The following HDAC7 variants were observed in gnomAD, a reference collection of about 807,000 sequenced individuals.
HDAC7 encodes histone deacetylase 7A.
A neutral mutation model predicts 115.5 loss-of-function variants in HDAC7; 26 were observed. The ratio of observed to expected loss-of-function variants is 0.23; its 90% CI spans 0.16 to 0.31. The LOEUF is 0.31. Ranked by LOEUF, HDAC7 falls within the 10% of genes least tolerant of loss-of-function variation. HDAC7 has a pLI of 1.00. For synonymous variants in HDAC7, 564 were observed against 550.9 expected, an observed-to-expected ratio of 1.02 and a Z score of -0.33; for missense variants, 1,068 against 1,329.0, an observed-to-expected ratio of 0.80 and a Z score of 3.05.
At chr12:47,816,490 G>A (rs1944852895) in intron 1 of HDAC7, among the ~76,000 whole-genome samples, 1 of 152,022 alleles carries the variant, frequency 6.6e-6, no homozygotes, top group Non-Finnish European at 1.5e-5. Context: ...ATCACAAATT[G>A]CCCGGAACCA....
In HDAC7 at chr12:47,791,393, C is replaced by T. The variant is rs1943493889; in HGVS notation, c.1934-85G>A. ...GAGCAGGGAGCCCAGAGAGCAGGGCCGGGTGAGTATTGGGGGAGAGAAATA... is the reference window on the plus strand; with the variant it reads ...GAGCAGGGAGCCCAGAGAGCAGGGCTGGGTGAGTATTGGGGGAGAGAAATA... On this transcript the variant is annotated intron_variant, in intron 15 of 25. Coordinates refer to ENST00000080059, the MANE Select transcript of HDAC7 (RefSeq NM_015401.5). 8 of 1,422,604 alleles carry T rather than the reference C, an allele frequency of 5.6e-6. No individual in the cohort carries two copies. The Admixed American group carries it at 9.2e-5, about 16-fold the overall frequency. The allele number at this position is 1,422,604 out of a possible 1,614,324, so 88.1% of individuals were successfully genotyped here.
intron 17 of HDAC7, 95 bp downstream of exon 17, chr12:47,789,718 G>A: frequency 7.4e-7 from 1 of 1,355,694 alleles, no homozygotes; most frequent in Non-Finnish European, 1.1e-6. Flanking sequence ...ATCTCTAAGA[G>A]GAATGCGATG....
Position 47,808,522 on chromosome 12 carries a change from C to T in HDAC7, c.20-6248G>A, listed in dbSNP as rs142438385. ...CAGAACCTGAGGCCGGGGAGCTGGGCCATTCTGAGTTGCGTATGGCTGTCG... is the reference window on the plus strand; with the variant it reads ...CAGAACCTGAGGCCGGGGAGCTGGGTCATTCTGAGTTGCGTATGGCTGTCG... On this transcript the variant is annotated intron_variant, in intron 1 of 25. Transcript: ENST00000080059. 1.5e-3 allele frequency among the ~76,000 whole-genome samples: 236 copies of T among 152,278 alleles called. 2 individuals carry two copies. Among genetic ancestry groups the T allele is most frequent in the African/African-American group, 5.5e-3 (228 of 41,544 alleles).
chr12:47,811,426 T>A (rs1454674677), intron 1 of HDAC7, among the ~76,000 whole-genome samples: 1 of 152,188 alleles, frequency 6.6e-6, no homozygotes, highest in African/African-American at 2.4e-5. Flanking sequence ...CAACTGGGAA[T>A]TCCGTTAAGA....
At position 47,794,743 on chromosome 12, in the gene HDAC7, G is replaced by A. The variant is rs966694793; in HGVS notation, c.1458+17C>T. ...TTCTGAGGACACTTTCTGAGGGGCA[G>A]GTGGGGACTGCCATACCTGAGGGTG... On this transcript the variant is annotated intron_variant, in intron 12 of 25. Coordinates refer to ENST00000080059, the MANE Select transcript of HDAC7 (RefSeq NM_015401.5). 2.6e-6 allele frequency: 4 copies of A among 1,558,620 alleles called. No homozygotes were observed. The African/African-American group carries it at 5.5e-5, about 21-fold the overall frequency.
chr12:47,789,348 C>T lies in HDAC7; in HGVS notation c.2148G>A (p.Met716Ile). 6.2e-7 allele frequency: 1 copy of T among 1,613,664 alleles called. No individual in the cohort carries two copies. The highest frequency in any genetic ancestry group is 8.5e-7 in the Non-Finnish European group (1 of 1,179,782). The change falls in exon 19 of 26, where the codon ATG (methionine) becomes ATA (isoleucine). Residue 716 changes from methionine to isoleucine, a missense_variant and splice_region_variant. Met to Ile is a conservative substitution (Grantham distance 10). This residue lies in a region of HDAC7 where 182 missense variants were observed against 301.1 expected (regional missense o/e 0.60). Coordinates refer to ENST00000080059, the MANE Select transcript of HDAC7 (RefSeq NM_015401.5). ...PGHHADHSTA[M>I]GFCFFNSVAI... ...CCACTGAGTTGAAGAAGCAGAAGCC[C>T]CTGGAAGGAGAGACAGGTCCTGCCA... is the stretch of plus-strand genomic sequence containing the variant.
chr12:47,785,126 C>T, intron 24 of HDAC7: 4 of 544,936 alleles, frequency 7.3e-6, no homozygotes, highest in Non-Finnish European at 1.3e-5. Flanking sequence ...CTAGGGCTGT[C>T]GCTAGAGATG....
chr12:47,805,495 G>A (rs563234924), intron 1 of HDAC7, among the ~76,000 whole-genome samples: 7 of 152,324 alleles, frequency 4.6e-5, no homozygotes, highest in South Asian at 2.1e-4. Context: ...CTTCACACCC[G>A]AGGTTGCTGT....
chr12:47,816,839 C>T (rs941818628), intron 1 of HDAC7, among the ~76,000 whole-genome samples: 5 of 152,146 alleles, frequency 3.3e-5, no homozygotes, highest in East Asian at 1.9e-4. Flanking sequence ...AGGGCCCTTC[C>T]GGGCGTCCAG....
intron 18 of HDAC7, 39 bp from the exon 19 acceptor site, chr12:47,789,387 A>T (rs1197440095): frequency 1.9e-6 from 3 of 1,584,472 alleles, no homozygotes; most frequent in Middle Eastern, 1.7e-4. Flanking sequence ...CATTCTCTCC[A>T]CATGCCCTCA....
intron 1 of HDAC7, among the ~76,000 whole-genome samples, chr12:47,809,535 C>G (rs571137815): frequency 6.6e-6 from 1 of 151,956 alleles, no homozygotes; most frequent in Non-Finnish European, 1.5e-5. Flanking sequence ...GCATTTTTGG[C>G]GGGGGGAGGG....
In HDAC7 at chr12:47,798,191, C is replaced by T; in HGVS notation, c.378G>A (p.Gln126=). ...TTTTCAGAATCACCTCCGCTAGCTT[C>T]TGCTTGACCACGCTGCTGGCTACAG... ...RSAVASSVVK[Q]KLAEVILKKQ... The change falls in exon 5 of 26, where the codon CAG becomes CAA. Residue 126 remains glutamine (Q), a synonymous_variant. Transcript: ENST00000080059. This position sits in a 1 kb window ranked among gnomAD's most constrained non-coding sequence, Gnocchi z 4.3. 6.2e-7 allele frequency: 1 copy of T among 1,613,842 alleles called. No individual in the cohort carries two copies. Among genetic ancestry groups the T allele is most frequent in the South Asian group, 1.1e-5 (1 of 91,076 alleles).
chr12:47,796,136 AGGGCCGCCTGCTGGAAGAAG>A, intron 8 of HDAC7, 51 bp downstream of exon 8: 3 of 1,527,818 alleles, frequency 2.0e-6, no homozygotes, highest in Non-Finnish European at 2.7e-6. Flanking sequence ...CAGCCCAGGT[AGGGCCGCCTGCTGGAAGAAG>A]GCTGAGCCTC....
intron 16 of HDAC7, chr12:47,790,973 AG>A (rs1326440864): frequency 6.0e-5 from 32 of 534,156 alleles, no homozygotes; most frequent in Admixed American, 4.9e-4. Context: ...GATGATCCTA[AG>A]CCCCAGCCTT....
In HDAC7 at chr12:47,793,012, C is replaced by A. The variant is rs1943611043; in HGVS notation, c.1678+357G>T. 1 of 293,870 alleles carries A rather than the reference C, an allele frequency of 3.4e-6. No homozygotes were observed. The highest frequency in any genetic ancestry group is 6.5e-6 in the Non-Finnish European group (1 of 154,208). The allele number at this position is 293,870 out of a possible 1,614,324, so 18.2% of individuals were successfully genotyped here. A position where few individuals can be genotyped will look rare whatever the true frequency, so the allele number is the denominator to read the frequency against. ...ATTTTTCTTTTCTTCTTAGGTTTTT[C>A]TGTACTCTTCAAAATGTCTAAAATA... On this transcript the variant is annotated intron_variant, in intron 13 of 25. Transcript: ENST00000080059. The surrounding 1 kb of genome is among the most constrained non-coding windows in gnomAD (Gnocchi z 4.5).
chr12:47,820,894 C>T (rs2137094808), upstream of HDAC7, among the ~76,000 whole-genome samples: 1 of 152,288 alleles, frequency 6.6e-6, no homozygotes, highest in African/African-American at 2.4e-5. This position sits in a 1 kb window ranked among gnomAD's most constrained non-coding sequence, Gnocchi z 4.3. Context: ...TAGGCAGTGG[C>T]CCTCCCTGCC....
At chr12:47,808,936 A>ACCAT (rs1944526804) in intron 1 of HDAC7, among the ~76,000 whole-genome samples, 1 of 152,196 alleles carries the variant, frequency 6.6e-6, no homozygotes, top group Admixed American at 6.5e-5. Flanking sequence ...TAGGAAGTTC[A>ACCAT]CCATGATGTC....
Position 47,795,867 on chromosome 12 carries a change from G to A in HDAC7, c.906+39C>T. On this transcript the variant is annotated intron_variant, in intron 9 of 25. Coordinates refer to ENST00000080059, the MANE Select transcript of HDAC7 (RefSeq NM_015401.5). This position sits in a 1 kb window ranked among gnomAD's most constrained non-coding sequence, Gnocchi z 4.3. ...CAAGAAAAGGGAGTGAAAGAAGCTG[G>A]GGGGGCTTGGAGTGGGGGTGGGCAC... 6.6e-7 allele frequency: 1 copy of A among 1,525,104 alleles called. No homozygotes were observed. The highest frequency in any genetic ancestry group is 8.9e-7 in the Non-Finnish European group (1 of 1,128,958). 94.5% of individuals were successfully genotyped at this position (1,525,104 alleles called of 1,614,324 possible). A position where few individuals can be genotyped will look rare whatever the true frequency, so the allele number is the denominator to read the frequency against.
intron 1 of HDAC7, among the ~76,000 whole-genome samples, chr12:47,811,052 C>T (rs1944642564): frequency 6.6e-6 from 1 of 152,068 alleles, no homozygotes; most frequent in African/African-American, 2.4e-5. Flanking sequence ...TCAGTAAGAA[C>T]CAGGCAAACC....
Sources: gnomAD v4.1 joint callset for allele counts (sites outside exome capture counted in the v4.1 genomes callset) on GRCh38, gnomAD v4.1.1 for gene constraint, gnomAD v4.1.1 regional missense constraint, Gnocchi (gnomAD v3.1) non-coding constraint, MANE v1.5 for transcripts, NCBI Gene and HGNC (gene_info 2026-07-23, HGNC 2026-07-21) for gene names.